The following SLC8A1 variants were observed in gnomAD, a reference collection of about 807,000 sequenced individuals.
SLC8A1 encodes sodium/calcium exchanger 1.
A neutral mutation model predicts 68.3 loss-of-function variants in SLC8A1; 18 were observed. The observed-to-expected ratio is 0.26, with a 90% CI of 0.18 to 0.39. The LOEUF is 0.39. Among genes scored for constraint, SLC8A1 ranks in the 10% least tolerant of loss-of-function variants. SLC8A1 has a pLI of 1.00. For synonymous variants in SLC8A1, 475 were observed against 415.5 expected, an observed-to-expected ratio of 1.14 and a Z score of -1.74; for missense variants, 985 against 1,156.7, an observed-to-expected ratio of 0.85 and a Z score of 2.15.
intron 6 of SLC8A1, among the ~76,000 whole-genome samples, chr2:40,147,170 G>T (rs968750977): frequency 6.6e-6 from 1 of 152,144 alleles, no homozygotes; most frequent in Non-Finnish European, 1.5e-5. Flanking sequence ...ATGCAAGTTC[G>T]ATTATTACCA....
At chr2:40,440,533 G>A (rs1040567568) in intron 1 of SLC8A1, among the ~76,000 whole-genome samples, 1 of 151,918 alleles carries the variant, frequency 6.6e-6, no homozygotes, top group Non-Finnish European at 1.5e-5. Context: ...GAGGCACTGG[G>A]GCTAGAACCA....
chr2:40,411,002 A>T (rs1280830274), intron 2 of SLC8A1, among the ~76,000 whole-genome samples: 1 of 152,052 alleles, frequency 6.6e-6, no homozygotes, highest in African/African-American at 2.4e-5. Flanking sequence ...CAGGCTTGAT[A>T]AATGATTTTG....
chr2:40,468,493 AT>A (rs1263338459), intron 1 of SLC8A1, among the ~76,000 whole-genome samples: 1 of 152,122 alleles, frequency 6.6e-6, no homozygotes, highest in Non-Finnish European at 1.5e-5. Flanking sequence ...AACACGAATA[AT>A]TTTTAGATTA....
chr2:40,277,892 A>G (rs904026457), intron 2 of SLC8A1, among the ~76,000 whole-genome samples: 1 of 149,558 alleles, frequency 6.7e-6, no homozygotes, highest in Non-Finnish European at 1.5e-5. Flanking sequence ...AAAGCTTTAC[A>G]TCTAAAATGT....
chr2:40,482,723 C>T, intron 1 of SLC8A1, among the ~76,000 whole-genome samples: 1 of 151,878 alleles, frequency 6.6e-6, no homozygotes, highest in East Asian at 1.9e-4. Flanking sequence ...ATAGACACTT[C>T]CTGTTTTCTG....
chr2:40,502,283 C>A (rs1706102863), intron 1 of SLC8A1, among the ~76,000 whole-genome samples: 1 of 152,072 alleles, frequency 6.6e-6, no homozygotes, highest in Non-Finnish European at 1.5e-5. Context: ...GAAGAAGGCA[C>A]AATCATTTAG....
At chr2:40,342,589 C>A (rs1021774524) in intron 2 of SLC8A1, among the ~76,000 whole-genome samples, 4 of 152,090 alleles carry the variant, frequency 2.6e-5, no homozygotes, top group African/African-American at 9.7e-5. Flanking sequence ...TGCTTTCTTT[C>A]TATTTCCCCC....
At chr2:40,238,985 CAT>C (rs2148950434) in intron 2 of SLC8A1, among the ~76,000 whole-genome samples, 1 of 150,804 alleles carries the variant, frequency 6.6e-6, no homozygotes, top group African/African-American at 2.4e-5. Flanking sequence ...AGTTCCAAAA[CAT>C]AAGATACAAT....
intron 2 of SLC8A1, among the ~76,000 whole-genome samples, chr2:40,422,299 C>T (rs1695731557): frequency 6.6e-6 from 1 of 152,102 alleles, no homozygotes; most frequent in Non-Finnish European, 1.5e-5. Flanking sequence ...AGATTTCAGC[C>T]ATGGAGGAAA....
At chr2:40,309,125 AT>A (rs2073210581) in intron 2 of SLC8A1, among the ~76,000 whole-genome samples, 1 of 152,102 alleles carries the variant, frequency 6.6e-6, no homozygotes, top group African/African-American at 2.4e-5. Flanking sequence ...ATGTTTCATT[AT>A]TTTTACTGCA....
chr2:40,431,290 A>G (rs763012934), intron 1 of SLC8A1, among the ~76,000 whole-genome samples: 4 of 152,052 alleles, frequency 2.6e-5, no homozygotes, highest in Non-Finnish European at 4.4e-5. Flanking sequence ...TCTAAAATAC[A>G]TATTAGTTCT....
At chr2:40,426,568 G>C (rs533272373) in intron 2 of SLC8A1, among the ~76,000 whole-genome samples, 9 of 151,974 alleles carry the variant, frequency 5.9e-5, no homozygotes, top group Non-Finnish European at 1.3e-4. Flanking sequence ...TTTGGTAAAA[G>C]TCCTGAACTG....
At chr2:40,100,278 C>T (rs1236285285) in exon 8 of SLC8A1, 1 of 152,006 alleles carries the variant, frequency 6.6e-6, no homozygotes, top group Non-Finnish European at 1.5e-5. Flanking sequence ...AGGCTTGTTT[C>T]AAGATTTCAA....
chr2:40,324,743 G>C (rs552416348), intron 2 of SLC8A1, among the ~76,000 whole-genome samples: 1 of 151,628 alleles, frequency 6.6e-6, no homozygotes, highest in South Asian at 2.1e-4. Context: ...CAAATCTTAA[G>C]TTTATCAGGA....
At chr2:40,274,157 T>C (rs1346884046) in intron 2 of SLC8A1, among the ~76,000 whole-genome samples, 2 of 149,906 alleles carry the variant, frequency 1.3e-5, no homozygotes, top group Admixed American at 1.3e-4. Context: ...CCCTTGTGGA[T>C]GGAATAGACT....
exon 8 of SLC8A1, chr2:40,114,248 T>C (rs5546): frequency 0.17 from 25,786 of 152,718 alleles, 2,935 homozygotes; most frequent in East Asian, 0.54. Flanking sequence ...TGGAACAGGA[T>C]TGTGCAAGCC....
intron 2 of SLC8A1, among the ~76,000 whole-genome samples, chr2:40,347,048 T>C (rs1486941079): frequency 6.6e-6 from 1 of 152,214 alleles, no homozygotes; most frequent in Non-Finnish European, 1.5e-5. Context: ...AATGCTTCCA[T>C]AGCACCAAGG....
In SLC8A1 at chr2:40,373,035, A is replaced by G. The variant is rs1173294552; in HGVS notation, c.1808+55438T>C. ...AATGTACCCAACCAACTTAAGGGGGAAAAAAAAATTCAAACTATGTCCTAG... is the reference window on the plus strand; with the variant it reads ...AATGTACCCAACCAACTTAAGGGGGGAAAAAAAATTCAAACTATGTCCTAG... On this transcript the variant is annotated intron_variant, in intron 2 of 7. Transcript: ENST00000406785. Among the ~76,000 whole-genome samples, 13 of 100,356 alleles carry G rather than the reference A, an allele frequency of 1.3e-4. No homozygotes were observed. The South Asian group carries it at 2.8e-3, about 21-fold the overall frequency. 65.8% of individuals were successfully genotyped at this position (100,356 alleles called of 152,430 possible).
chr2:40,302,928 A>G (rs150012041), intron 2 of SLC8A1, among the ~76,000 whole-genome samples: 3 of 152,290 alleles, frequency 2.0e-5, no homozygotes, highest in African/African-American at 7.2e-5. Flanking sequence ...CTTATCCATA[A>G]CATTCTAAAA....
Sources: gnomAD v4.1 joint callset for allele counts (sites outside exome capture counted in the v4.1 genomes callset) on GRCh38, gnomAD v4.1.1 for gene constraint, MANE v1.5 for transcripts, NCBI Gene and HGNC (gene_info 2026-07-23, HGNC 2026-07-21) for gene names.